Variants in VTI1A observed in about 807,000 individuals in gnomAD.
VTI1A encodes vesicle transport through interaction with t-SNAREs 1A.
VTI1A carries 22 observed loss-of-function variants against 34.9 expected under a neutral mutation model. That is an observed-to-expected ratio of 0.63 (90% CI 0.45 to 0.90). The LOEUF (loss-of-function observed/expected upper bound fraction) is 0.90. Among genes scored for constraint, VTI1A ranks in the 40% least tolerant of loss-of-function variants. VTI1A has a pLI of 0.00. For synonymous variants in VTI1A, 87 were observed against 97.3 expected, an observed-to-expected ratio of 0.89 and a Z score of 0.62; for missense variants, 268 against 275.6, an observed-to-expected ratio of 0.97 and a Z score of 0.20.
At chr10:112,592,514 C>G (rs1349855034) in intron 5 of VTI1A, among the ~76,000 whole-genome samples, 1 of 152,202 alleles carries the variant, frequency 6.6e-6, no homozygotes, top group Non-Finnish European at 1.5e-5. Flanking sequence ...TTTCTGCCTC[C>G]GCAATGGTGC....
At chr10:112,685,266 CATCCATG>C (rs1254780853) in intron 7 of VTI1A, among the ~76,000 whole-genome samples, 36 of 152,276 alleles carry the variant, frequency 2.4e-4, no homozygotes, top group African/African-American at 8.4e-4. Flanking sequence ...GTGTCAGGAT[CATCCATG>C]ATTCTCACAC....
At chr10:112,448,448 C>A (rs1439746165) in intron 1 of VTI1A, 1 of 152,102 alleles carries the variant, frequency 6.6e-6, no homozygotes, top group Non-Finnish European at 1.5e-5. Context: ...ATTTCCTTGG[C>A]GTTTACTTAT....
At chr10:112,849,649 A>T in the VTI1A span, among the ~76,000 whole-genome samples, 1 of 152,066 alleles carries the variant, frequency 6.6e-6, no homozygotes, top group African/African-American at 2.4e-5. Context: ...CTTTAAATTA[A>T]CTCTAGCCAA....
chr10:112,771,604 G>GT (rs1851817267), intron 7 of VTI1A, among the ~76,000 whole-genome samples: 2 of 152,090 alleles, frequency 1.3e-5, no homozygotes, highest in Non-Finnish European at 1.5e-5. Context: ...ATTCAATGGG[G>GT]TTTTTTTAGT....
chr10:112,796,841 T>G (rs1470232610), intron 7 of VTI1A, among the ~76,000 whole-genome samples: 1 of 152,226 alleles, frequency 6.6e-6, no homozygotes, highest in African/African-American at 2.4e-5. Flanking sequence ...CTTTCTGCAG[T>G]TCTGCCTTGG....
intron 3 of VTI1A, among the ~76,000 whole-genome samples, chr10:112,501,489 A>G (rs1040782371): frequency 6.6e-6 from 1 of 152,232 alleles, no homozygotes; most frequent in Non-Finnish European, 1.5e-5. Flanking sequence ...AAAAAGAAAG[A>G]AATGAAAGAA....
intron 7 of VTI1A, among the ~76,000 whole-genome samples, chr10:112,733,768 A>C (rs1850357031): frequency 6.6e-6 from 1 of 150,528 alleles, no homozygotes; most frequent in South Asian, 2.1e-4. Context: ...ATTTTATTTT[A>C]TTTTAAGAGA....
chr10:112,533,461 C>G, intron 4 of VTI1A: 1 of 930,306 alleles, frequency 1.1e-6, no homozygotes, highest in Non-Finnish European at 1.3e-6. Context: ...TGTATCCTGT[C>G]AGACAACTGA....
chr10:112,642,608 A>AGTGTGT (rs75201126), intron 5 of VTI1A, among the ~76,000 whole-genome samples: 7,823 of 150,238 alleles, frequency 0.052, 411 homozygotes, highest in East Asian at 0.26. Flanking sequence ...TATACAGGGT[A>AGTGTGT]GTGTGTGTGT....
the VTI1A span, among the ~76,000 whole-genome samples, chr10:112,833,769 ACTCAGGGC>A: frequency 6.6e-6 from 1 of 152,114 alleles, no homozygotes; most frequent in East Asian, 1.9e-4. Context: ...GAGGCAGAGG[ACTCAGGGC>A]CTACTGGTGC....
intron 5 of VTI1A, among the ~76,000 whole-genome samples, chr10:112,663,904 A>G (rs1166627171): frequency 1.3e-5 from 2 of 152,228 alleles, no homozygotes; most frequent in African/African-American, 2.4e-5. Context: ...TGCAATACAT[A>G]TATGAAAACA....
chr10:112,467,589 A>G (rs927986169), intron 3 of VTI1A, among the ~76,000 whole-genome samples: 6 of 152,394 alleles, frequency 3.9e-5, no homozygotes, highest in African/African-American at 1.4e-4. Flanking sequence ...AGCTTGATAT[A>G]GGCTATCATT....
At chr10:112,758,419 T>C (rs981409828) in intron 7 of VTI1A, among the ~76,000 whole-genome samples, 93 of 152,056 alleles carry the variant, frequency 6.1e-4, no homozygotes, top group Non-Finnish European at 8.7e-4. Flanking sequence ...TCACCTGGGG[T>C]ACAGGTTAAA....
intron 5 of VTI1A, among the ~76,000 whole-genome samples, chr10:112,646,012 A>C (rs1008052573): frequency 2.0e-5 from 3 of 150,978 alleles, no homozygotes; most frequent in Non-Finnish European, 4.4e-5. Flanking sequence ...GACAGAATAG[A>C]ATGCTATCTT....
At chr10:112,552,282 C>T (rs1274763768) in intron 5 of VTI1A, among the ~76,000 whole-genome samples, 1 of 152,138 alleles carries the variant, frequency 6.6e-6, no homozygotes, top group Non-Finnish European at 1.5e-5. Flanking sequence ...TTTCACCATC[C>T]AGAATATGTA....
intron 5 of VTI1A, among the ~76,000 whole-genome samples, chr10:112,632,652 C>T (rs1846177530): frequency 6.6e-6 from 1 of 152,142 alleles, no homozygotes; most frequent in African/African-American, 2.4e-5. Context: ...TCACTTCTGA[C>T]TATAGTGTAC....
chr10:112,696,563 T>C (rs932927852), intron 7 of VTI1A, among the ~76,000 whole-genome samples: 1 of 152,208 alleles, frequency 6.6e-6, no homozygotes, highest in Non-Finnish European at 1.5e-5. Context: ...AATTCTCTCA[T>C]CGGGCTATTT....
At chr10:112,516,040 G>A (rs1368028576) in intron 3 of VTI1A, among the ~76,000 whole-genome samples, 3 of 152,042 alleles carry the variant, frequency 2.0e-5, no homozygotes, top group Admixed American at 1.3e-4. Context: ...AAATCTATTT[G>A]TATGACAGTT....
intron 7 of VTI1A, among the ~76,000 whole-genome samples, chr10:112,793,653 C>A (rs1011138943): frequency 6.6e-6 from 1 of 152,216 alleles, no homozygotes; most frequent in Non-Finnish European, 1.5e-5. Context: ...CAATTAGATA[C>A]TTAAAAATAG....
Sources: gnomAD v4.1 joint callset for allele counts (sites outside exome capture counted in the v4.1 genomes callset) on GRCh38, gnomAD v4.1.1 for gene constraint, MANE v1.5 for transcripts, NCBI Gene and HGNC (gene_info 2026-07-23, HGNC 2026-07-21) for gene names.